TEX14: variants seen among roughly 807,000 people sequenced by gnomAD.
The protein encoded by TEX14 is inactive serine/threonine-protein kinase TEX14.
In TEX14, 168 loss-of-function variants were observed where a neutral mutation model predicts 178.6. That is an observed-to-expected ratio of 0.94 (90% confidence interval 0.83 to 1.07). The LOEUF is 1.07. TEX14 is among the 50% of genes least tolerant of loss of function. TEX14 has a pLI of 0.00. For synonymous variants in TEX14, 626 were observed against 634.1 expected (o/e 0.99, Z 0.19); for missense variants, 1,730 against 1,753.6 (o/e 0.99, Z 0.24).
At chr17:58,571,239 T>TC (rs1444307650) in intron 24 of TEX14, among the ~76,000 whole-genome samples, 26 of 148,116 alleles carry the variant, frequency 1.8e-4, no homozygotes, top group African/African-American at 2.5e-4. Context: ...TCTTTTCTTT[T>TC]TTTTTTTTTT....
At chr17:58,609,240 G>C (rs2045688065) in intron 10 of TEX14, among the ~76,000 whole-genome samples, 1 of 152,306 alleles carries the variant, frequency 6.6e-6, no homozygotes, top group African/African-American at 2.4e-5. Context: ...CTCCCGAGTA[G>C]CCGGGACTAC....
At chr17:58,655,506 G>C (rs1276153458) in intron 1 of TEX14, among the ~76,000 whole-genome samples, 1 of 151,918 alleles carries the variant, frequency 6.6e-6, no homozygotes, top group African/African-American at 2.4e-5. Flanking sequence ...TTTTAGTAGA[G>C]ATGGGGTTTC....
intron 20 of TEX14, among the ~76,000 whole-genome samples, chr17:58,578,678 G>C (rs1236640715): frequency 6.6e-6 from 1 of 152,186 alleles, no homozygotes; most frequent in African/African-American, 2.4e-5. Context: ...AAGTTAAGTG[G>C]CCACATACAA....
At chr17:58,574,501 C>A (rs1204142203) in intron 21 of TEX14, among the ~76,000 whole-genome samples, 1 of 151,902 alleles carries the variant, frequency 6.6e-6, no homozygotes, top group Non-Finnish European at 1.5e-5. Flanking sequence ...CATGGTGAAA[C>A]CCCGTCTCTA....
intron 8 of TEX14, 64 bp from the exon 9 acceptor site, chr17:58,613,608 T>C: frequency 2.6e-6 from 4 of 1,551,620 alleles, no homozygotes; most frequent in Non-Finnish European, 3.5e-6. Flanking sequence ...AAAATGAGCG[T>C]AGGCCTTTTG....
intron 2 of TEX14, among the ~76,000 whole-genome samples, chr17:58,638,165 A>G (rs1393407827): frequency 6.6e-6 from 1 of 151,964 alleles, no homozygotes; most frequent in Non-Finnish European, 1.5e-5. Flanking sequence ...CTGGCCTGTA[A>G]AGATATATTA....
intron 1 of TEX14, among the ~76,000 whole-genome samples, chr17:58,672,251 G>C (rs571700221): frequency 3.9e-5 from 6 of 152,224 alleles, no homozygotes; most frequent in Non-Finnish European, 7.4e-5. Context: ...CCACCAACTG[G>C]TACCATGCTC....
chr17:58,621,503 G>T, intron 5 of TEX14, 147 bp downstream of exon 5: 1 of 765,400 alleles, frequency 1.3e-6, no homozygotes, highest in Non-Finnish European at 2.0e-6. Context: ...TCAAGGCCAA[G>T]CCTTTTCTTT....
At chr17:58,656,261 C>A (rs911964099) in intron 1 of TEX14, among the ~76,000 whole-genome samples, 2 of 151,822 alleles carry the variant, frequency 1.3e-5, no homozygotes, top group African/African-American at 4.8e-5. Flanking sequence ...TTGACTGATA[C>A]GGTGAAACCC....
chr17:58,611,259 A>G lies in TEX14; in HGVS notation c.1086T>C (p.His362=). The G allele has an allele frequency of 6.2e-7, 1 of 1,612,952 alleles. No individual in the cohort carries two copies. The highest frequency in any genetic ancestry group is 8.5e-7 in the Non-Finnish European group (1 of 1,178,978). ...LQISDALRYL[H]FQGFIHRSLS... is the part of the protein sequence containing the mutation. ...GGGAGCGGTGGATAAACCCCTGGAA[A>G]TGCAGGTATCTCAGGGCATCAGATA... Residue 362 remains histidine (H), a synonymous_variant, in exon 10 of 32, where the codon CAT becomes CAC. Coordinates refer to ENST00000349033, the MANE Select transcript of TEX14 (RefSeq NM_031272.5).
At chr17:58,583,104 G>GAGACTACAGGTGCACACTATC (rs2044864208) in intron 19 of TEX14, among the ~76,000 whole-genome samples, 1 of 151,548 alleles carries the variant, frequency 6.6e-6, no homozygotes, top group Non-Finnish European at 1.5e-5. Context: ...CCGAATAGCT[G>GAGACTACAGGTGCACACTATC]AGACTACAGG....
chr17:58,652,415 C>G (rs1235618043), intron 1 of TEX14, among the ~76,000 whole-genome samples: 1 of 152,066 alleles, frequency 6.6e-6, no homozygotes, highest in East Asian at 1.9e-4. Context: ...CTCATGAGAT[C>G]TGATGGTTTT....
Position 58,556,953 on chromosome 17 carries a change from A to T in TEX14, c.*58T>A, listed in dbSNP as rs1232573239. On this transcript the variant is annotated 3_prime_UTR_variant, in exon 32 of 32. Coordinates refer to ENST00000349033, the MANE Select transcript of TEX14 (RefSeq NM_031272.5). ...AACTGAAGCAGAAAGAGAAGAAAGG[A>T]GCTTACAACCAGGACACTCAAACTC... 1 of 1,366,510 alleles carries T rather than the reference A, an allele frequency of 7.3e-7. No individual in the cohort carries two copies. Among genetic ancestry groups the T allele is most frequent in the Non-Finnish European group, 1.0e-6 (1 of 955,032 alleles). 84.6% of individuals were successfully genotyped at this position (1,366,510 alleles called of 1,614,324 possible).
chr17:58,689,269 T>A (rs2047652432), intron 1 of TEX14, among the ~76,000 whole-genome samples: 1 of 151,710 alleles, frequency 6.6e-6, no homozygotes, highest in African/African-American at 2.4e-5. Context: ...GTTTCCAGGC[T>A]AGAGTGCAGT....
At chr17:58,590,035 G>C (rs1035015404) in intron 15 of TEX14, among the ~76,000 whole-genome samples, 1 of 151,988 alleles carries the variant, frequency 6.6e-6, no homozygotes, top group Non-Finnish European at 1.5e-5. Flanking sequence ...GGCCATGGCG[G>C]GCAGATCACA....
intron 1 of TEX14, among the ~76,000 whole-genome samples, chr17:58,691,131 C>T (rs1195910527): frequency 1.3e-5 from 2 of 152,032 alleles, no homozygotes; most frequent in Non-Finnish European, 2.9e-5. Context: ...GCTGGGATTA[C>T]AGGCACGAGC....
intron 5 of TEX14, among the ~76,000 whole-genome samples, chr17:58,617,909 T>G (rs1406825580): frequency 6.6e-6 from 1 of 152,228 alleles, no homozygotes; most frequent in Non-Finnish European, 1.5e-5. Context: ...ACTTTGAGGC[T>G]AAATCTACCA....
chr17:58,628,332 A>G (rs1299076588), intron 3 of TEX14, among the ~76,000 whole-genome samples: 1 of 152,106 alleles, frequency 6.6e-6, no homozygotes, highest in East Asian at 1.9e-4. Context: ...TAATCCCAGC[A>G]CTTTGGGAGA....
chr17:58,570,517 T>C, intron 24 of TEX14, 33 bp from the exon 25 acceptor site: 1 of 1,474,872 alleles, frequency 6.8e-7, no homozygotes, highest in Non-Finnish European at 9.0e-7. Flanking sequence ...GTAACTGTCA[T>C]GTGTGTTGAG....
Sources: allele counts gnomAD v4.1 joint callset (sites outside exome capture counted in the v4.1 genomes callset), GRCh38; gene constraint gnomAD v4.1.1; transcripts MANE v1.5; gene names NCBI Gene and HGNC (gene_info 2026-07-23, HGNC 2026-07-21).